SLC25A17: variants seen among roughly 807,000 people sequenced by gnomAD.
The protein encoded by SLC25A17 is peroxisomal membrane protein PMP34.
A neutral mutation model predicts 38.5 loss-of-function variants in SLC25A17; 26 were observed. The observed-to-expected ratio is 0.68, with a 90% confidence interval of 0.50 to 0.94. The LOEUF is 0.94. Ranked by LOEUF, SLC25A17 falls within the 40% of genes least tolerant of loss-of-function variation. SLC25A17 has a pLI of 0.00. For missense variants in SLC25A17, 333 were observed against 372.7 expected (o/e 0.89, Z 0.88); for synonymous variants, 139 against 136.2 (o/e 1.02, Z -0.14).
intron 3 of SLC25A17, 59 bp downstream of exon 3, chr22:40,794,455 G>A (rs2057409824): frequency 3.0e-6 from 3 of 1,010,782 alleles, no homozygotes; most frequent in Non-Finnish European, 3.1e-6. Flanking sequence ...AACTCTACTG[G>A]AAGCACAGGA....
intron 8 of SLC25A17, among the ~76,000 whole-genome samples, chr22:40,772,862 C>T (rs1202215678): frequency 6.6e-6 from 1 of 152,146 alleles, no homozygotes; most frequent in African/African-American, 2.4e-5. Context: ...TGGTCTTGAA[C>T]TCCTGGCCTC....
chr22:40,787,958 G>A (rs887934009), intron 4 of SLC25A17, among the ~76,000 whole-genome samples: 1 of 152,182 alleles, frequency 6.6e-6, no homozygotes, highest in Non-Finnish European at 1.5e-5. Context: ...GTCTCGCTAT[G>A]TTGCCGAGAT....
intron 8 of SLC25A17, 99 bp downstream of exon 8, chr22:40,773,838 C>T (rs2057212408): frequency 1.2e-6 from 1 of 864,240 alleles, no homozygotes; most frequent in South Asian, 1.4e-5. Context: ...GAGGTTGCCA[C>T]CACCAAGGCA....
At chr22:40,779,560 C>A (rs1214994850) in intron 4 of SLC25A17, 1 of 273,052 alleles carries the variant, frequency 3.7e-6, no homozygotes, top group Non-Finnish European at 7.0e-6. Context: ...GTAGCTCACA[C>A]GGTTTGAAGT....
At chr22:40,784,802 A>AG (rs1325296849) in intron 4 of SLC25A17, among the ~76,000 whole-genome samples, 1 of 151,300 alleles carries the variant, frequency 6.6e-6, no homozygotes, top group African/African-American at 2.4e-5. Context: ...AAAAAAAAAA[A>AG]AAAGAAAAGG....
At chr22:40,815,491 A>G (rs2057629889) in intron 1 of SLC25A17, among the ~76,000 whole-genome samples, 1 of 152,260 alleles carries the variant, frequency 6.6e-6, no homozygotes, top group Non-Finnish European at 1.5e-5. Context: ...AAAAGGTAAG[A>G]TCATCTGCAA....
chr22:40,800,232 T>C (rs994522889), intron 1 of SLC25A17, among the ~76,000 whole-genome samples: 2 of 152,178 alleles, frequency 1.3e-5, no homozygotes, highest in Admixed American at 6.5e-5. Context: ...TAAGGTCCTA[T>C]ATAAAAACCA....
At chr22:40,776,677 G>A (rs1413772659) in intron 7 of SLC25A17, among the ~76,000 whole-genome samples, 3 of 152,218 alleles carry the variant, frequency 2.0e-5, no homozygotes, top group Admixed American at 6.5e-5. Context: ...TGGGAGGATC[G>A]CTTGAGTCCA....
chr22:40,803,629 T>G (rs919224915), intron 1 of SLC25A17, among the ~76,000 whole-genome samples: 3 of 151,996 alleles, frequency 2.0e-5, no homozygotes, highest in Non-Finnish European at 2.9e-5. Flanking sequence ...GAGGTCTCTT[T>G]GACACGCTGA....
intron 1 of SLC25A17, among the ~76,000 whole-genome samples, chr22:40,815,502 C>T (rs990572931): frequency 2.6e-5 from 4 of 152,186 alleles, no homozygotes; most frequent in African/African-American, 9.7e-5. Context: ...TCATCTGCAA[C>T]AAGTGAAGGG....
At chr22:40,815,467 T>C (rs979209156) in intron 1 of SLC25A17, among the ~76,000 whole-genome samples, 10 of 152,222 alleles carry the variant, frequency 6.6e-5, no homozygotes, top group Non-Finnish European at 1.5e-4. Flanking sequence ...TAGGTTCTAT[T>C]TTATCTAGAG....
chr22:40,804,300 C>T (rs1278048566), intron 1 of SLC25A17, among the ~76,000 whole-genome samples: 2 of 152,144 alleles, frequency 1.3e-5, no homozygotes, highest in Non-Finnish European at 2.9e-5. Context: ...CAAGTGTGTA[C>T]TTGGGGCTCG....
At chr22:40,813,909 G>A (rs1332395585) in intron 1 of SLC25A17, 5 of 152,460 alleles carry the variant, frequency 3.3e-5, no homozygotes, top group African/African-American at 4.8e-5. Flanking sequence ...AAGAGCAATT[G>A]CTATTTAGTA....
At chr22:40,792,332 C>A (rs2057391410) in intron 4 of SLC25A17, among the ~76,000 whole-genome samples, 193 bp downstream of exon 4, 1 of 151,716 alleles carries the variant, frequency 6.6e-6, no homozygotes, top group Non-Finnish European at 1.5e-5. Context: ...ATGTTTAACA[C>A]TACTGACCTT....
rs541635776 is a variant in SLC25A17 at position 40,782,898 on chromosome 22, T to C, written c.335-3773A>G. Among the ~76,000 whole-genome samples the C allele has an allele frequency of 4.6e-5, 7 of 152,346 alleles. No homozygotes were observed. In the East Asian group the frequency reaches 1.3e-3, roughly 29 times the overall value. The stretch of plus-strand genomic sequence containing the variant: ...CACATTATTCCCCAAGATATGAAGC[T>C]TTATAGGCTTGTTTTTCTGGGAAAA... On this transcript the variant is annotated intron_variant, in intron 4 of 8. Transcript: ENST00000435456.
chr22:40,808,580 A>G (rs1000703583), intron 1 of SLC25A17, among the ~76,000 whole-genome samples: 1 of 152,258 alleles, frequency 6.6e-6, no homozygotes, highest in African/African-American at 2.4e-5. Context: ...AATTCTTAAG[A>G]ATGATTATAT....
At chr22:40,817,659 C>T (rs185962131) in intron 1 of SLC25A17, among the ~76,000 whole-genome samples, 34 of 152,282 alleles carry the variant, frequency 2.2e-4, no homozygotes, top group Non-Finnish European at 5.9e-5. Flanking sequence ...TGCTACCACC[C>T]GGATCCAAGT....
At chr22:40,776,798 G>A (rs891177591) in intron 7 of SLC25A17, among the ~76,000 whole-genome samples, 1 of 152,098 alleles carries the variant, frequency 6.6e-6, no homozygotes, top group African/African-American at 2.4e-5. Context: ...GGGCAGCTGA[G>A]GCAGGAGGAC....
chr22:40,801,143 A>T (rs1436758731), intron 1 of SLC25A17, among the ~76,000 whole-genome samples: 5 of 124,198 alleles, frequency 4.0e-5, no homozygotes, highest in African/African-American at 2.0e-4. Context: ...ATATATATAT[A>T]TATATATATA....
Sources: gnomAD v4.1 joint callset for allele counts (sites outside exome capture counted in the v4.1 genomes callset) on GRCh38, gnomAD v4.1.1 for gene constraint, MANE v1.5 for transcripts, NCBI Gene and HGNC (gene_info 2026-07-23, HGNC 2026-07-21) for gene names.